NTNG1: variants seen among roughly 807,000 people sequenced by gnomAD.
NTNG1 encodes the protein netrin-G1.
NTNG1 carries 16 observed loss-of-function variants against 54.0 expected under a neutral mutation model. That is an observed-to-expected ratio of 0.30 (90% CI 0.20 to 0.45). The LOEUF (loss-of-function observed/expected upper bound fraction) is 0.45. NTNG1 is among the 20% of genes least tolerant of loss of function. NTNG1 has a pLI of 1.00. For missense variants in NTNG1, 530 were observed against 678.7 expected (o/e 0.78, Z 2.43); for synonymous variants, 255 against 263.1 (o/e 0.97, Z 0.30).
chr1:107,283,649 C>T (rs1665010184), intron 2 of NTNG1, among the ~76,000 whole-genome samples: 1 of 152,046 alleles, frequency 6.6e-6, no homozygotes, highest in African/African-American at 2.4e-5. Flanking sequence ...TAGATCTGAC[C>T]CAGAGACTTG....
chr1:107,272,056 A>T (rs1346126173), intron 2 of NTNG1, among the ~76,000 whole-genome samples: 1 of 152,178 alleles, frequency 6.6e-6, no homozygotes, highest in Non-Finnish European at 1.5e-5. Flanking sequence ...TCAAATGGAA[A>T]TCAGCTTGGT....
At chr1:107,245,356 T>C (rs1662127186) in intron 2 of NTNG1, among the ~76,000 whole-genome samples, 1 of 152,220 alleles carries the variant, frequency 6.6e-6, no homozygotes, top group South Asian at 2.1e-4. Flanking sequence ...TGTAAGTATT[T>C]TTCTCATTCT....
intron 2 of NTNG1, among the ~76,000 whole-genome samples, chr1:107,208,991 A>G (rs889793972): frequency 6.6e-6 from 1 of 152,066 alleles, no homozygotes; most frequent in Non-Finnish European, 1.5e-5. Flanking sequence ...TCCATTATCC[A>G]AACAAATACA....
chr1:107,353,515 T>C (rs1669756392), intron 3 of NTNG1, among the ~76,000 whole-genome samples: 1 of 152,104 alleles, frequency 6.6e-6, no homozygotes, highest in African/African-American at 2.4e-5. Context: ...CATATCACTA[T>C]TCACATTTTT....
intron 7 of NTNG1, chr1:107,455,712 C>T (rs1001530069): frequency 1.7e-5 from 7 of 403,184 alleles, no homozygotes; most frequent in South Asian, 8.4e-5. Context: ...GAACAATACG[C>T]GGATGAGCCT....
intron 2 of NTNG1, among the ~76,000 whole-genome samples, chr1:107,302,773 A>T (rs1312071037): frequency 6.6e-6 from 1 of 152,080 alleles, no homozygotes; most frequent in African/African-American, 2.4e-5. Context: ...TTGGAGAAAT[A>T]TTTCTTTTTA....
intron 3 of NTNG1, among the ~76,000 whole-genome samples, chr1:107,358,013 T>C (rs1670042979): frequency 6.6e-6 from 1 of 152,194 alleles, no homozygotes; most frequent in African/African-American, 2.4e-5. Flanking sequence ...ACCACTCAAA[T>C]AATAGATCAT....
intron 3 of NTNG1, among the ~76,000 whole-genome samples, chr1:107,345,984 G>T (rs906745115): frequency 1.3e-5 from 2 of 152,096 alleles, no homozygotes. Context: ...ATCAGAAAAG[G>T]TACAGTTACA....
At chr1:107,458,215 T>C (rs1481978036) in intron 7 of NTNG1, among the ~76,000 whole-genome samples, 1 of 152,150 alleles carries the variant, frequency 6.6e-6, no homozygotes, top group Non-Finnish European at 1.5e-5. Context: ...TCCACTGTTA[T>C]ACTACTCCAG....
intron 2 of NTNG1, among the ~76,000 whole-genome samples, chr1:107,199,180 T>A (rs1369919912): frequency 6.6e-6 from 1 of 151,906 alleles, no homozygotes; most frequent in African/African-American, 2.4e-5. Context: ...ATTCTATATA[T>A]CATTTTATGA....
Position 107,436,790 on chromosome 1 carries a change from G to C in NTNG1, c.1381G>C (p.Gly461Arg). ...TCTGCCGGGAAATTCCTGGCACTAC[G>C]GCTGTCAACGTAAGTAACTCTGGGA... ...ECLPGNSWHY[G>R]CQPNVCDNEL... Residue 461 changes from glycine (G) to arginine (R), a missense_variant, in exon 7 of 8, where the codon GGC becomes CGC. Transcript: ENST00000370068. 2 of 1,613,240 alleles carry C rather than the reference G, an allele frequency of 1.2e-6. No homozygotes were observed. Among genetic ancestry groups the C allele is most frequent in the South Asian group, 1.1e-5 (1 of 91,012 alleles).
At chr1:107,231,401 T>G (rs565794206) in intron 2 of NTNG1, among the ~76,000 whole-genome samples, 3 of 152,288 alleles carry the variant, frequency 2.0e-5, no homozygotes, top group African/African-American at 7.2e-5. Flanking sequence ...TGAATGCCAT[T>G]TACTGCGGTA....
At chr1:107,399,383 CAAAG>C (rs1444706619) in intron 4 of NTNG1, among the ~76,000 whole-genome samples, 5 of 152,218 alleles carry the variant, frequency 3.3e-5, no homozygotes, top group African/African-American at 9.6e-5. Flanking sequence ...TAATTGTCTT[CAAAG>C]AAAGAAAATC....
At chr1:107,304,699 A>G (rs1297689521) in intron 2 of NTNG1, among the ~76,000 whole-genome samples, 2 of 151,056 alleles carry the variant, frequency 1.3e-5, no homozygotes, top group Non-Finnish European at 2.9e-5. Context: ...GTCCTTCCCA[A>G]CCATGAAAAA....
At chr1:107,168,231 A>C (rs1303379469) in intron 2 of NTNG1, among the ~76,000 whole-genome samples, 1 of 151,976 alleles carries the variant, frequency 6.6e-6, no homozygotes, top group East Asian at 1.9e-4. Flanking sequence ...TCATCAGCAC[A>C]GGAAATCACT....
intron 2 of NTNG1, among the ~76,000 whole-genome samples, chr1:107,253,376 T>A (rs1402064334): frequency 1.3e-5 from 2 of 152,248 alleles, no homozygotes; most frequent in African/African-American, 2.4e-5. Context: ...TTTGAAATTA[T>A]TGAATTTGGA....
intron 7 of NTNG1, among the ~76,000 whole-genome samples, chr1:107,466,100 G>C (rs1677591450): frequency 6.6e-6 from 1 of 152,128 alleles, no homozygotes; most frequent in Non-Finnish European, 1.5e-5. Context: ...GTTAGCAGTG[G>C]GGAGATTCTG....
chr1:107,266,816 G>T (rs1265007178), intron 2 of NTNG1, among the ~76,000 whole-genome samples: 1 of 151,910 alleles, frequency 6.6e-6, no homozygotes, highest in Non-Finnish European at 1.5e-5. Context: ...TAGCATTTCA[G>T]CCAGTGGGAG....
At chr1:107,162,943 A>C (rs1016570547) in intron 2 of NTNG1, among the ~76,000 whole-genome samples, 2 of 152,182 alleles carry the variant, frequency 1.3e-5, no homozygotes, top group South Asian at 4.1e-4. Context: ...GTGATGTGTA[A>C]CTGTAATAAA....
Sources: gnomAD v4.1 joint callset for allele counts (sites outside exome capture counted in the v4.1 genomes callset) on GRCh38, gnomAD v4.1.1 for gene constraint, MANE v1.5 for transcripts, NCBI Gene and HGNC (gene_info 2026-07-23, HGNC 2026-07-21) for gene names.